PKD1L1: variants seen among roughly 807,000 people sequenced by gnomAD.
The protein encoded by PKD1L1 is polycystin 1 like 1, transient receptor potential channel interacting, also known as polycystin-1-like protein 1.
In PKD1L1, 236 loss-of-function variants were observed where a neutral mutation model predicts 323.4. The ratio of observed to expected loss-of-function variants is 0.73; its 90% CI spans 0.66 to 0.81. The LOEUF (loss-of-function observed/expected upper bound fraction) is 0.81. Among genes scored for constraint, PKD1L1 ranks in the 40% least tolerant of loss-of-function variants. The pLI is 0.00. For missense variants in PKD1L1, 3,320 were observed against 3,508.0 expected (o/e 0.95, Z 1.35); for synonymous variants, 1,344 against 1,335.0 (o/e 1.01, Z -0.15).
At chr7:47,853,402 C>T (rs979212137) in intron 30 of PKD1L1, among the ~76,000 whole-genome samples, 175 bp from the exon 31 acceptor site, 2 of 152,166 alleles carry the variant, frequency 1.3e-5, no homozygotes, top group African/African-American at 4.8e-5. Context: ...CACCTGGTCT[C>T]TTAGTAAAAA....
intron 23 of PKD1L1, among the ~76,000 whole-genome samples, chr7:47,875,582 G>C (rs147359844): frequency 5.4e-4 from 83 of 152,324 alleles, no homozygotes; most frequent in African/African-American, 1.9e-3. Context: ...GTTGAAGCCA[G>C]TTCCAAGGGA....
intron 7 of PKD1L1, among the ~76,000 whole-genome samples, chr7:47,921,642 C>A (rs1787542858): frequency 6.6e-6 from 1 of 150,988 alleles, no homozygotes; most frequent in South Asian, 2.1e-4. Context: ...AAACCAAATA[C>A]CCATCAATCA....
chr7:47,858,793 T>C lies in PKD1L1; in HGVS notation c.4242A>G (p.Gly1414=). 6.2e-7 allele frequency: 1 copy of C among 1,614,198 alleles called. No homozygotes were observed. The highest frequency in any genetic ancestry group is 8.5e-7 in the Non-Finnish European group (1 of 1,180,038). ...QFSGPFVIDK[G]VRLELIGLIS... ...TGAGACCGATGAGCTCAAGCCTCAC[T>C]CCTTTGTCAATCACAAATGGCCCCG... Residue 1414 remains glycine (G), a synonymous_variant, in exon 27 of 57, where the codon GGA becomes GGG. Transcript: ENST00000289672.
upstream of PKD1L1, among the ~76,000 whole-genome samples, chr7:47,952,299 G>T (rs1788215468): frequency 6.6e-6 from 1 of 152,196 alleles, no homozygotes; most frequent in African/African-American, 2.4e-5. Context: ...GGGCAAGGCT[G>T]CGATCAGCCC....
rs765341017 is a variant in PKD1L1 at position 47,893,985 on chromosome 7, A to G, written c.2346T>C (p.Ser782=). 3 of 1,613,794 alleles carry G rather than the reference A, an allele frequency of 1.9e-6. No homozygotes were observed. Among genetic ancestry groups the G allele is most frequent in the Non-Finnish European group, 2.5e-6 (3 of 1,179,862 alleles). ...GLEVRAQAPV[S]VISEGTHLFF... is the part of the protein sequence containing the mutation. The stretch of plus-strand genomic sequence containing the variant: ...ATAGGTGTGTGCCCTCGGAGATCAC[A>G]CTGACAGGGGCCTGGGCTCGCACCT... Residue 782 remains serine (S), a synonymous_variant, in exon 15 of 57, where the codon AGT becomes AGC. Transcript: ENST00000289672.
In PKD1L1 at chr7:47,890,730, T is replaced by C. The variant is rs1489423825; in HGVS notation, c.2487A>G (p.Pro829=). The C allele has an allele frequency of 1.9e-6, 3 of 1,612,810 alleles. No individual in the cohort carries two copies. The highest frequency in any genetic ancestry group is 1.3e-5 in the African/African-American group (1 of 74,870). The part of the protein sequence containing the change: ...YHWECATAGS[P]AHPCFDSSTA... ...TGGAGGAGTCGAAGCAGGGATGTGCTGGGGAGCCAGCGGTGGCGCATTCCC... is the reference window on the plus strand; with the variant it reads ...TGGAGGAGTCGAAGCAGGGATGTGCCGGGGAGCCAGCGGTGGCGCATTCCC... Residue 829 remains proline (P), a synonymous_variant, in exon 16 of 57, where the codon CCA becomes CCG. Transcript: ENST00000289672.
At chr7:47,780,585 T>C (rs1053052360) in intron 56 of PKD1L1, among the ~76,000 whole-genome samples, 1 of 151,966 alleles carries the variant, frequency 6.6e-6, no homozygotes, top group African/African-American at 2.4e-5. Flanking sequence ...TGAGCCGAGA[T>C]TGTACCACTG....
intron 56 of PKD1L1, among the ~76,000 whole-genome samples, chr7:47,777,955 T>A (rs1044431072): frequency 6.6e-6 from 1 of 152,188 alleles, no homozygotes; most frequent in Non-Finnish European, 1.5e-5. Flanking sequence ...GGAGGTGGCG[T>A]CAGTGCCTGG....
rs774036379 is a variant in PKD1L1 at position 47,885,878 on chromosome 7, G to C, written c.3013C>G (p.Pro1005Ala). The C allele has an allele frequency of 8.1e-6, 13 of 1,614,198 alleles. No homozygotes were observed. The South Asian group carries it at 1.4e-4, about 18-fold the overall frequency. Reference sequence around the variant, plus strand: ...ATGGGCTCTGTGGGGGTTCCCCTTGGAGCTGAAGTGGCAGGTTGGCCAAGG... The same window carrying C: ...ATGGGCTCTGTGGGGGTTCCCCTTGCAGCTGAAGTGGCAGGTTGGCCAAGG... ...VTLGQPATSA[P>A]RGTPTEPMTG... Residue 1005 changes from proline to alanine, a missense_variant, in exon 18 of 57, where the codon CCA (proline) becomes GCA (alanine). Transcript: ENST00000289672.
intron 47 of PKD1L1, among the ~76,000 whole-genome samples, chr7:47,814,527 G>A (rs1031559572): frequency 2.0e-4 from 30 of 152,144 alleles, no homozygotes; most frequent in Admixed American, 2.0e-3. Flanking sequence ...TTACAGGCAT[G>A]TGCCACCACG....
rs1786528484 is a variant in PKD1L1 at position 47,774,624 on chromosome 7, A to G, written c.*519T>C. ...CAGATAACTTCGAAGTTCAGTTTGA[A>G]TAACCATTTTATATTGAATTAGTAA... On this transcript the variant is annotated 3_prime_UTR_variant, in exon 57 of 57. Coordinates refer to ENST00000289672, the MANE Select transcript of PKD1L1 (RefSeq NM_138295.5). 6.6e-6 allele frequency: 1 copy of G among 152,334 alleles called. No homozygotes were observed. Among genetic ancestry groups the G allele is most frequent in the Non-Finnish European group, 1.5e-5 (1 of 68,130 alleles). 9.4% of individuals were successfully genotyped at this position (152,334 alleles called of 1,614,324 possible).
chr7:47,811,406 C>T (rs1246417493), intron 50 of PKD1L1, among the ~76,000 whole-genome samples: 1 of 152,130 alleles, frequency 6.6e-6, no homozygotes, highest in Non-Finnish European at 1.5e-5. Context: ...CCGCCCACCT[C>T]GGCCTCCCAA....
At chr7:47,828,848 C>A (rs563577084) in intron 44 of PKD1L1, among the ~76,000 whole-genome samples, 218 of 152,252 alleles carry the variant, frequency 1.4e-3, no homozygotes, top group Middle Eastern at 3.4e-3. Context: ...GGATTGGGTC[C>A]TTGGTCGTAA....
chr7:47,928,676 C>T (rs1385790826), intron 7 of PKD1L1, among the ~76,000 whole-genome samples: 1 of 152,144 alleles, frequency 6.6e-6, no homozygotes, highest in Non-Finnish European at 1.5e-5. Context: ...CCCCAATCAT[C>T]ATCTCTAGGG....
At chr7:47,902,760 A>C (rs1246939938) in intron 12 of PKD1L1, among the ~76,000 whole-genome samples, 2 of 152,236 alleles carry the variant, frequency 1.3e-5, no homozygotes, top group African/African-American at 4.8e-5. Context: ...CCGATGTCAC[A>C]TGCTATATTC....
At chr7:47,855,357 T>C (rs34811669) in intron 28 of PKD1L1, 92 bp from the exon 29 acceptor site, 1 of 833,798 alleles carries the variant, frequency 1.2e-6, no homozygotes, top group South Asian at 2.0e-5. Context: ...GGTGCTGCTA[T>C]TACACTTACA....
rs145088541 is a variant in PKD1L1 at position 47,929,356 on chromosome 7, C to G, written c.908G>C (p.Arg303Pro). 3.7e-6 allele frequency: 6 copies of G among 1,614,130 alleles called. No homozygotes were observed. The highest frequency in any genetic ancestry group is 3.3e-5 in the Admixed American group (2 of 60,016). ...ACGGAATCCCAGATTTGGAGGTGCC[C>G]GAGCTTCCACTTCCAGGGAGCAATT... The part of the protein sequence containing the change: ...VLNCSLEVEA[R>P]APPNLGFRVH... Residue 303 changes from arginine (R) to proline (P), a missense_variant, in exon 7 of 57, where the codon CGG (arginine) becomes CCG (proline). Arg to Pro is a moderately radical substitution (Grantham distance 103). Transcript: ENST00000289672.
intron 23 of PKD1L1, among the ~76,000 whole-genome samples, chr7:47,874,829 C>T (rs1786368049): frequency 6.6e-6 from 1 of 152,146 alleles, no homozygotes; most frequent in African/African-American, 2.4e-5. Context: ...TAAGTATTTA[C>T]TATATTGTAT....
At chr7:47,956,829 ATGATGATC>A in the PKD1L1 span, 2 of 157,678 alleles carry the variant, frequency 1.3e-5, no homozygotes, top group Non-Finnish European at 2.9e-5. Context: ...GATGATGATG[ATGATGATC>A]AACCCAGAGG....
Sources: gnomAD v4.1 joint callset for allele counts (sites outside exome capture counted in the v4.1 genomes callset) on GRCh38, gnomAD v4.1.1 for gene constraint, MANE v1.5 for transcripts, NCBI Gene and HGNC (gene_info 2026-07-23, HGNC 2026-07-21) for gene names.